The following TRAF5 variants were observed in gnomAD, a reference collection of about 807,000 sequenced individuals.
TRAF5 encodes the protein TNF receptor-associated factor 5.
TRAF5 carries 48 observed loss-of-function variants against 64.5 expected under a neutral mutation model. The ratio of observed to expected loss-of-function variants is 0.74; its 90% CI spans 0.59 to 0.95. TRAF5 has a LOEUF of 0.95. Ranked by LOEUF, TRAF5 falls within the 40% of genes least tolerant of loss-of-function variation. TRAF5 has a pLI of 0.00. For synonymous variants in TRAF5, 206 were observed against 240.5 expected (o/e 0.86, Z 1.33); for missense variants, 545 against 662.8 (o/e 0.82, Z 1.95).
chr1:211,358,722 A>C (rs1703067074), intron 4 of TRAF5: 1 of 149,744 alleles, frequency 6.7e-6, no homozygotes, highest in African/African-American at 2.4e-5. Flanking sequence ...AAAATTAAAA[A>C]AAATAAAATA....
intron 8 of TRAF5, among the ~76,000 whole-genome samples, chr1:211,367,242 C>T (rs963327610): frequency 6.6e-6 from 1 of 152,038 alleles, no homozygotes; most frequent in Non-Finnish European, 1.5e-5. Context: ...CCGCCCAAAG[C>T]GGTTTGTTTG....
intron 7 of TRAF5, among the ~76,000 whole-genome samples, chr1:211,364,039 G>A (rs1341926971): frequency 6.6e-6 from 1 of 152,098 alleles, no homozygotes; most frequent in Non-Finnish European, 1.5e-5. Context: ...GGATGGCTGG[G>A]GGAGTTATTC....
intron 1 of TRAF5, among the ~76,000 whole-genome samples, chr1:211,342,631 T>A (rs1043474637): frequency 1.2e-4 from 18 of 152,278 alleles, no homozygotes; most frequent in Admixed American, 4.6e-4. Flanking sequence ...CCACTTCCTC[T>A]ACCCAACACT....
upstream of TRAF5, chr1:211,326,776 C>T: frequency 4.1e-6 from 4 of 984,740 alleles, no homozygotes; most frequent in Non-Finnish European, 4.8e-6. This position sits in a 1 kb window ranked among gnomAD's most constrained non-coding sequence, Gnocchi z 5.0. Context: ...CCTCCGCCCG[C>T]GCCCCGGCCC....
intron 4 of TRAF5, chr1:211,357,692 T>C (rs575593609): frequency 1.3e-5 from 2 of 152,296 alleles, no homozygotes; most frequent in East Asian, 3.9e-4. Flanking sequence ...TCAACCAATT[T>C]TGGAGAAGAG....
rs554692954 is a variant in TRAF5 at position 211,373,723 on chromosome 1, T to G, written c.*1021T>G. On this transcript the variant is annotated 3_prime_UTR_variant, in exon 11 of 11. Coordinates refer to ENST00000261464, the MANE Select transcript of TRAF5 (RefSeq NM_001033910.3). ...CAGCGAAAACTGATGGCTAAAACAGTATCTACTATTCTCTGATAACTTTTT... is the reference window on the plus strand; with the variant it reads ...CAGCGAAAACTGATGGCTAAAACAGGATCTACTATTCTCTGATAACTTTTT... 2.8e-4 allele frequency: 42 copies of G among 152,286 alleles called. No homozygotes were observed. Among genetic ancestry groups the G allele is most frequent in the African/African-American group, 1.0e-3 (42 of 41,572 alleles). 9.4% of individuals were successfully genotyped at this position (152,286 alleles called of 1,614,324 possible).
chr1:211,369,426 ATTTT>A (rs758786461), intron 8 of TRAF5, 22 bp from the exon 9 acceptor site: 1 of 1,561,854 alleles, frequency 6.4e-7, no homozygotes, highest in African/African-American at 1.4e-5. Context: ...CAGTGACTTT[ATTTT>A]TCCTCACGTT....
At position 211,360,073 on chromosome 1, in the gene TRAF5, A is replaced by G; in HGVS notation, c.540A>G (p.Leu180=). ...AAAAGGATGTGGTAGTCATCAATCTACAGGTGAAAAACAACACATACAACA... is the reference window on the plus strand; with the variant it reads ...AAAAGGATGTGGTAGTCATCAATCTGCAGGTGAAAAACAACACATACAACA... ...YCKKDVVVIN[L]QNHEENLCPE... Residue 180 remains leucine (L), a synonymous_variant, in exon 5 of 11, where the codon CTA becomes CTG. Coordinates refer to ENST00000261464, the MANE Select transcript of TRAF5 (RefSeq NM_001033910.3). 1.2e-6 allele frequency: 2 copies of G among 1,614,010 alleles called. No homozygotes were observed. Among genetic ancestry groups the G allele is most frequent in the Non-Finnish European group, 1.7e-6 (2 of 1,179,898 alleles).
At chr1:211,336,261 T>A (rs1702287699) in intron 1 of TRAF5, among the ~76,000 whole-genome samples, 1 of 152,240 alleles carries the variant, frequency 6.6e-6, no homozygotes, top group Non-Finnish European at 1.5e-5. Flanking sequence ...GCTACCTATA[T>A]ACATTTTTCT....
At position 211,331,986 on chromosome 1, in the gene TRAF5, C is replaced by G. The variant is rs536183103; in HGVS notation, c.-2+5097C>G. Among the ~76,000 whole-genome samples the G allele has an allele frequency of 2.0e-5, 3 of 152,310 alleles. No homozygotes were observed. In the East Asian group the frequency reaches 5.8e-4, roughly 29 times the overall value. ...CTGGGCGAGTAGACCATCATTGAAA[C>G]TAGCCTATTGCTGCCACTTTGCCAT... On this transcript the variant is annotated intron_variant, in intron 1 of 10. Coordinates refer to ENST00000261464, the MANE Select transcript of TRAF5 (RefSeq NM_001033910.3).
intron 1 of TRAF5, among the ~76,000 whole-genome samples, chr1:211,337,256 A>G (rs527876053): frequency 6.6e-6 from 1 of 152,236 alleles, no homozygotes; most frequent in Non-Finnish European, 1.5e-5. Context: ...CCCTTGTGAG[A>G]TAACATTTGA....
chr1:211,333,044 C>T (rs1702196518), intron 1 of TRAF5, among the ~76,000 whole-genome samples: 1 of 152,222 alleles, frequency 6.6e-6, no homozygotes, highest in African/African-American at 2.4e-5. Flanking sequence ...GGTTCACTTT[C>T]ACTTCACTTA....
intron 1 of TRAF5, among the ~76,000 whole-genome samples, chr1:211,341,812 G>T (rs1273317185): frequency 1.3e-5 from 2 of 152,176 alleles, no homozygotes; most frequent in African/African-American, 2.4e-5. Context: ...GCAAAGAAAT[G>T]ATTTACAAAA....
chr1:211,326,856 ACCGGCCTCGCGGAGCCCGCGCGCCGAGC>A lies in TRAF5; in HGVS notation c.-32_-5del, dbSNP rs1398589461. The A allele has an allele frequency of 6.1e-6, 6 of 984,720 alleles. No individual in the cohort carries two copies. The highest frequency in any genetic ancestry group is 6.0e-6 in the Non-Finnish European group (5 of 829,556). The allele number at this position is 984,720 out of a possible 1,614,324, so 61.0% of individuals were successfully genotyped here. ...CCAGGAGCAGCAGCCGCGCCTGCAG[ACCGGCCTCGCGGAGCCCGCGCGCCGAGC>A]CCCACGTGAGTCCGGCGGGTCGCCG... On this transcript the variant is annotated 5_prime_UTR_variant, in exon 1 of 11. Coordinates refer to ENST00000261464, the MANE Select transcript of TRAF5 (RefSeq NM_001033910.3). This position sits in a 1 kb window ranked among gnomAD's most constrained non-coding sequence, Gnocchi z 5.0.
At chr1:211,371,975 G>A (rs1703538800) in intron 10 of TRAF5, among the ~76,000 whole-genome samples, 153 bp from the exon 11 acceptor site, 1 of 152,064 alleles carries the variant, frequency 6.6e-6, no homozygotes, top group Non-Finnish European at 1.5e-5. Context: ...TATTCCCTGA[G>A]TTAATATTAC....
intron 1 of TRAF5, among the ~76,000 whole-genome samples, chr1:211,344,364 A>G (rs1054790975): frequency 6.6e-6 from 1 of 152,164 alleles, no homozygotes; most frequent in Non-Finnish European, 1.5e-5. Flanking sequence ...TCCCAAGACA[A>G]CTTCCTTCTG....
intron 8 of TRAF5, chr1:211,368,867 A>C (rs1703436222): frequency 6.6e-6 from 1 of 152,202 alleles, no homozygotes; most frequent in Non-Finnish European, 1.5e-5. Context: ...TGCAACTCAT[A>C]GGGTTCTTTG....
chr1:211,369,634 C>G (rs1297559299), intron 9 of TRAF5, 42 bp downstream of exon 9: 2 of 1,502,568 alleles, frequency 1.3e-6, no homozygotes, highest in East Asian at 2.4e-5. Context: ...ATTTGGCTTT[C>G]AATTGCAGTG....
Position 211,360,259 on chromosome 1 carries a change from A to G in TRAF5, c.543+183A>G, listed in dbSNP as rs534745365. 9.2e-4 allele frequency: 570 copies of G among 619,492 alleles called. 1 individual carries two copies. Among genetic ancestry groups the G allele is most frequent in the Middle Eastern group, 4.9e-3 (11 of 2,236 alleles). The allele number at this position is 619,492 out of a possible 1,614,324, so 38.4% of individuals were successfully genotyped here. Reference sequence around the variant, plus strand: ...AGCTTAAAACCTTCTTGTTGGTAGCACTCCATTTATTATTGGCAAAAATAT... The same window carrying G: ...AGCTTAAAACCTTCTTGTTGGTAGCGCTCCATTTATTATTGGCAAAAATAT... On this transcript the variant is annotated intron_variant, in intron 5 of 10. Coordinates refer to ENST00000261464, the MANE Select transcript of TRAF5 (RefSeq NM_001033910.3).
Sources: gnomAD v4.1 joint callset for allele counts (sites outside exome capture counted in the v4.1 genomes callset) on GRCh38, gnomAD v4.1.1 for gene constraint, Gnocchi (gnomAD v3.1) non-coding constraint, MANE v1.5 for transcripts, NCBI Gene and HGNC (gene_info 2026-07-23, HGNC 2026-07-21) for gene names.